GLI3: variants seen among roughly 807,000 people sequenced by gnomAD.
GLI3 encodes the protein transcription activator GLI3.
In GLI3, 20 loss-of-function variants were observed where a neutral mutation model predicts 100.8. That is an observed-to-expected ratio of 0.20 (90% CI 0.14 to 0.29). GLI3 has a LOEUF of 0.29. Among genes scored for constraint, GLI3 ranks in the 10% least tolerant of loss-of-function variants. The pLI is 1.00. For missense variants in GLI3, 2,040 were observed against 2,128.5 expected (o/e 0.96, Z 0.82); for synonymous variants, 938 against 860.5 (o/e 1.09, Z -1.58).
At position 42,237,116 on chromosome 7, in the gene GLI3, G is replaced by T. The variant is rs376491447; in HGVS notation, c.-188C>A. 8.1e-5 allele frequency: 12 copies of T among 147,636 alleles called. No homozygotes were observed. In the East Asian group the frequency reaches 2.2e-3, roughly 27 times the overall value. The allele number at this position is 147,636 out of a possible 1,614,324, so 9.1% of individuals were successfully genotyped here. A position where few individuals can be genotyped will look rare whatever the true frequency, so the allele number is the denominator to read the frequency against. ...TGGGCGCGGGGTGCGCCCGCCGCGG[G>T]CATGGTGCGGCGCGGGCGGCCGCGG... On this transcript the variant is annotated 5_prime_UTR_variant, in exon 1 of 15. Transcript: ENST00000395925.
intron 4 of GLI3, among the ~76,000 whole-genome samples, chr7:42,059,546 T>A (rs947669619): frequency 6.6e-6 from 1 of 152,002 alleles, no homozygotes; most frequent in Non-Finnish European, 1.5e-5. Context: ...AGAACTAATA[T>A]GCTATGTCCA....
At chr7:42,199,526 G>A (rs540747593) in intron 2 of GLI3, among the ~76,000 whole-genome samples, 20 of 152,250 alleles carry the variant, frequency 1.3e-4, no homozygotes, top group African/African-American at 4.3e-4. Flanking sequence ...AACTGCTTTC[G>A]TTTTTACAGT....
upstream of GLI3, among the ~76,000 whole-genome samples, chr7:42,242,391 C>T (rs1037223526): frequency 4.6e-5 from 7 of 152,196 alleles, no homozygotes; most frequent in Admixed American, 3.9e-4. Context: ...CCTAAACAAT[C>T]CACTTACATA....
intron 1 of GLI3, among the ~76,000 whole-genome samples, chr7:42,232,688 G>A (rs1788716768): frequency 6.6e-6 from 1 of 152,194 alleles, no homozygotes; most frequent in Non-Finnish European, 1.5e-5. Context: ...GCAAAATGCA[G>A]AAGTGCCATA....
At chr7:42,045,037 G>A (rs576647732) in intron 6 of GLI3, among the ~76,000 whole-genome samples, 1 of 152,258 alleles carries the variant, frequency 6.6e-6, no homozygotes, top group South Asian at 2.1e-4. Flanking sequence ...ACAGGTACAT[G>A]CCACTACACC....
chr7:42,191,738 T>C (rs1300116478), intron 2 of GLI3, among the ~76,000 whole-genome samples: 1 of 152,006 alleles, frequency 6.6e-6, no homozygotes, highest in Admixed American at 6.6e-5. Context: ...TTAACTCACT[T>C]ACTTTTCACA....
Position 42,122,668 on chromosome 7 carries a change from A to G in GLI3, c.367+25558T>C, listed in dbSNP as rs1290297718. 4.6e-5 allele frequency among the ~76,000 whole-genome samples: 7 copies of G among 152,334 alleles called. No homozygotes were observed. In the East Asian group the frequency reaches 1.4e-3, roughly 29 times the overall value. On this transcript the variant is annotated intron_variant, in intron 3 of 14. Transcript: ENST00000395925. ...CCAAAATCACATCTGATTTTCCTCC[A>G]AGAAACCAAGTCACCAGCACCTATC...
At chr7:41,980,756 C>G (rs1409903480) in intron 10 of GLI3, among the ~76,000 whole-genome samples, 1 of 152,134 alleles carries the variant, frequency 6.6e-6, no homozygotes, top group Non-Finnish European at 1.5e-5. Context: ...AAGGTTGGAT[C>G]CATGTCTTAT....
At chr7:42,032,196 G>A (rs1300417338) in intron 7 of GLI3, among the ~76,000 whole-genome samples, 1 of 151,800 alleles carries the variant, frequency 6.6e-6, no homozygotes, top group Non-Finnish European at 1.5e-5. Context: ...AATTCAGCAA[G>A]TTTTAACTGA....
chr7:42,055,088 C>CATATATACACATATATGT (rs947931408), intron 4 of GLI3, among the ~76,000 whole-genome samples: 1 of 134,346 alleles, frequency 7.4e-6, no homozygotes, highest in South Asian at 2.2e-4. Flanking sequence ...TGTATATATA[C>CATATATACACATATATGT]ATATATACAC....
intron 1 of GLI3, among the ~76,000 whole-genome samples, chr7:42,252,976 A>G (rs1247800911): frequency 1.3e-5 from 2 of 152,222 alleles, no homozygotes; most frequent in Admixed American, 6.5e-5. Context: ...AAATGTCTAA[A>G]AGCTCTTTTT....
At chr7:42,013,400 AT>A (rs11295289) in intron 10 of GLI3, among the ~76,000 whole-genome samples, 74,689 of 148,702 alleles carry the variant, frequency 0.5, 19,686 homozygotes, top group African/African-American at 0.7. Flanking sequence ...GACACACCTT[AT>A]TTTTTTTTTT....
chr7:42,066,297 T>C (rs1232694012), intron 4 of GLI3, among the ~76,000 whole-genome samples: 1 of 152,058 alleles, frequency 6.6e-6, no homozygotes, highest in Non-Finnish European at 1.5e-5. Context: ...TTCTCTCCAA[T>C]ACACTCGGGG....
chr7:42,182,012 G>A (rs1313370950), intron 2 of GLI3, among the ~76,000 whole-genome samples: 1 of 152,142 alleles, frequency 6.6e-6, no homozygotes, highest in Non-Finnish European at 1.5e-5. Context: ...TCATCTGTAA[G>A]TTTGTCTGTA....
rs183579014 is a variant in GLI3 at position 42,053,090 on chromosome 7, G to T, written c.474-4394C>A. Among the ~76,000 whole-genome samples the T allele has an allele frequency of 2.0e-3, 298 of 152,264 alleles. 2 individuals carry two copies. The highest frequency in any genetic ancestry group is 0.014 in the Middle Eastern group (4 of 294). ...GCTCACTGCAACCTCCGCCCTCCAG[G>T]GTTCAAGCGATTCTCCTGTCTCAGC... On this transcript the variant is annotated intron_variant, in intron 4 of 14. Transcript: ENST00000395925.
At chr7:42,160,398 T>C (rs1249453648) in intron 2 of GLI3, among the ~76,000 whole-genome samples, 1 of 152,230 alleles carries the variant, frequency 6.6e-6, no homozygotes, top group Non-Finnish European at 1.5e-5. Flanking sequence ...ATCTTGGGGA[T>C]AGGACCCAAG....
intron 4 of GLI3, among the ~76,000 whole-genome samples, chr7:42,048,934 T>G (rs1487514477): frequency 2.0e-5 from 3 of 152,114 alleles, no homozygotes; most frequent in Non-Finnish European, 2.9e-5. Context: ...GAAACTTCAT[T>G]GCACTCCAAA....
chr7:42,182,014 TTGTC>T (rs1787603446), intron 2 of GLI3, among the ~76,000 whole-genome samples: 1 of 152,114 alleles, frequency 6.6e-6, no homozygotes, highest in East Asian at 1.9e-4. Context: ...ATCTGTAAGT[TTGTC>T]TGTAAGAACT....
intron 1 of GLI3, among the ~76,000 whole-genome samples, chr7:42,234,074 A>G (rs1788743641): frequency 6.6e-6 from 1 of 152,238 alleles, no homozygotes; most frequent in African/African-American, 2.4e-5. Flanking sequence ...ATAAAGAAGA[A>G]AAGTCTGACT....
Sources: allele counts gnomAD v4.1 joint callset (sites outside exome capture counted in the v4.1 genomes callset), GRCh38; gene constraint gnomAD v4.1.1; transcripts MANE v1.5; gene names NCBI Gene and HGNC (gene_info 2026-07-23, HGNC 2026-07-21).